Variants in SMYD3 observed in about 807,000 individuals in gnomAD.
The protein encoded by SMYD3 is histone-lysine N-methyltransferase SMYD3.
SMYD3 carries 36 observed loss-of-function variants against 57.7 expected under a neutral mutation model. The observed-to-expected ratio is 0.62, with a 90% CI of 0.48 to 0.82. SMYD3 has a LOEUF of 0.82. Ranked by LOEUF, SMYD3 falls within the 40% of genes least tolerant of loss-of-function variation. The pLI is 0.00. For synonymous variants in SMYD3, 211 were observed against 195.0 expected (o/e 1.08, Z -0.68); for missense variants, 515 against 538.8 (o/e 0.96, Z 0.44).
chr1:246,339,435 C>A (rs2065596319), intron 2 of SMYD3, among the ~76,000 whole-genome samples: 1 of 151,980 alleles, frequency 6.6e-6, no homozygotes, highest in Non-Finnish European at 1.5e-5. Context: ...ATTGCACTAC[C>A]TGTAAAATTT....
chr1:246,220,194 GGATATT>G (rs1328999749), intron 5 of SMYD3, among the ~76,000 whole-genome samples: 3 of 152,020 alleles, frequency 2.0e-5, no homozygotes, highest in African/African-American at 7.3e-5. Flanking sequence ...CTGTTGACTA[GGATATT>G]GATGGTAGTG....
intron 5 of SMYD3, among the ~76,000 whole-genome samples, chr1:246,127,870 T>C (rs2061531456): frequency 6.7e-6 from 1 of 149,484 alleles, no homozygotes; most frequent in African/African-American, 2.5e-5. Flanking sequence ...TGCTCTAGCC[T>C]GGGAGACAGA....
chr1:245,749,759 C>A (rs1309066165), intron 11 of SMYD3, 95 bp from the exon 12 acceptor site: 9 of 897,592 alleles, frequency 1.0e-5, no homozygotes, highest in Middle Eastern at 4.3e-4. Context: ...GCCTGGTGAA[C>A]CCCACAGGTT....
At chr1:246,462,514 G>A (rs1412738126) in intron 1 of SMYD3, among the ~76,000 whole-genome samples, 1 of 152,082 alleles carries the variant, frequency 6.6e-6, no homozygotes, top group Non-Finnish European at 1.5e-5. Flanking sequence ...GGGTCACACA[G>A]ACCCCACCAC....
At chr1:246,340,966 T>C (rs1289255883) in intron 2 of SMYD3, among the ~76,000 whole-genome samples, 1 of 151,886 alleles carries the variant, frequency 6.6e-6, no homozygotes, top group Non-Finnish European at 1.5e-5. Flanking sequence ...CCAGTCTGTG[T>C]GACAGAGTGA....
chr1:246,422,611 G>A (rs2067159848), intron 1 of SMYD3, among the ~76,000 whole-genome samples: 4 of 151,990 alleles, frequency 2.6e-5, no homozygotes, highest in African/African-American at 9.7e-5. Context: ...TAGTAGAGAC[G>A]GGGTTTCGCC....
Position 246,311,984 on chromosome 1 carries a change from A to G in SMYD3, c.531+15217T>C, listed in dbSNP as rs184866134. Among the ~76,000 whole-genome samples, 8 of 152,258 alleles carry G rather than the reference A, an allele frequency of 5.3e-5. No homozygotes were observed. In the East Asian group the frequency reaches 1.5e-3, roughly 29 times the overall value. ...GTAAGTGACAATGCAACGTGAAGGAATGGAGGCATAAAGGCAATGCAACAA... is the reference window on the plus strand; with the variant it reads ...GTAAGTGACAATGCAACGTGAAGGAGTGGAGGCATAAAGGCAATGCAACAA... On this transcript the variant is annotated intron_variant, in intron 5 of 11. Coordinates refer to ENST00000490107, the MANE Select transcript of SMYD3 (RefSeq NM_001167740.2).
chr1:246,164,291 C>T (rs1365701392), intron 5 of SMYD3, among the ~76,000 whole-genome samples: 3 of 152,080 alleles, frequency 2.0e-5, no homozygotes, highest in Non-Finnish European at 4.4e-5. Flanking sequence ...GGCGTGGTGG[C>T]GGGTGCCTGT....
intron 10 of SMYD3, among the ~76,000 whole-genome samples, chr1:245,851,303 A>C (rs1480789398): frequency 6.6e-6 from 1 of 152,208 alleles, no homozygotes; most frequent in Non-Finnish European, 1.5e-5. Context: ...ACCACAGTGC[A>C]TTTAAGTAGG....
intron 5 of SMYD3, among the ~76,000 whole-genome samples, chr1:246,151,225 A>AACAGAGTAAG (rs954505370): frequency 2.6e-5 from 4 of 150,972 alleles, no homozygotes; most frequent in Non-Finnish European, 4.4e-5. Flanking sequence ...CAGCCTGGGT[A>AACAGAGTAAG]ACAGAGTAAG....
intron 5 of SMYD3, among the ~76,000 whole-genome samples, chr1:246,234,479 T>A (rs994429283): frequency 7.7e-6 from 1 of 130,328 alleles, no homozygotes; most frequent in African/African-American, 3.1e-5. Context: ...CCATGATGAC[T>A]ATATACTGTA....
At chr1:246,254,852 G>A (rs189992403) in intron 5 of SMYD3, among the ~76,000 whole-genome samples, 1 of 152,110 alleles carries the variant, frequency 6.6e-6, no homozygotes, top group East Asian at 1.9e-4. Flanking sequence ...TACTTCCTTG[G>A]TTAGATGTAT....
At position 246,002,406 on chromosome 1, in the gene SMYD3, G is replaced by C. The variant is rs111619484; in HGVS notation, c.532-72469C>G. ...TCACCGTGTTAGCCAGGATGGTCTC[G>C]ATCTCCTGACCTCGTGATCCACCCG... On this transcript the variant is annotated intron_variant, in intron 5 of 11. Transcript: ENST00000490107. 9.2e-4 allele frequency among the ~76,000 whole-genome samples: 43 copies of C among 46,716 alleles called. 10 individuals are homozygous for C. The South Asian group carries it at 0.011, about 12-fold the overall frequency. The allele number at this position is 46,716 out of a possible 152,430, so 30.6% of individuals were successfully genotyped here. A position where few individuals can be genotyped will look rare whatever the true frequency, so the allele number is the denominator to read the frequency against.
intron 10 of SMYD3, among the ~76,000 whole-genome samples, chr1:245,786,599 G>A (rs951644864): frequency 2.0e-5 from 3 of 151,728 alleles, no homozygotes; most frequent in Admixed American, 2.0e-4. Flanking sequence ...TCCAATCAAT[G>A]CAAGAACCCT....
intron 5 of SMYD3, among the ~76,000 whole-genome samples, chr1:246,000,920 T>G (rs907704683): frequency 6.6e-6 from 1 of 152,228 alleles, no homozygotes; most frequent in Non-Finnish European, 1.5e-5. Context: ...ACATTCCACA[T>G]AGATCGAAAG....
At chr1:246,032,391 C>G (rs1183205021) in intron 5 of SMYD3, among the ~76,000 whole-genome samples, 2 of 152,168 alleles carry the variant, frequency 1.3e-5, no homozygotes, top group Non-Finnish European at 1.5e-5. Context: ...ATATTTGCCG[C>G]TAACACACCA....
rs572102064 is a variant in SMYD3, at chr1:246,380,559, GC to G, written c.165-25466del. Reference sequence around the variant, plus strand: ...TGAATGCCATATCCTTCCTATTGTTGCTGTTCTTTCATTACTGGTCCCATAA... The same window carrying G: ...TGAATGCCATATCCTTCCTATTGTTGTGTTCTTTCATTACTGGTCCCATAA... On this transcript the variant is annotated intron_variant, in intron 1 of 11. Transcript: ENST00000490107. 7.9e-5 allele frequency among the ~76,000 whole-genome samples: 12 copies of G among 152,214 alleles called. No homozygotes were observed. In the East Asian group the frequency reaches 2.3e-3, roughly 29 times the overall value.
chr1:245,955,250 C>A (rs1433650161), intron 5 of SMYD3, among the ~76,000 whole-genome samples: 1 of 50,292 alleles, frequency 2.0e-5, no homozygotes, highest in Non-Finnish European at 4.0e-5. Flanking sequence ...CGCCGCCATA[C>A]CTGGCTAATT....
intron 5 of SMYD3, among the ~76,000 whole-genome samples, chr1:245,986,013 TA>T (rs1440513811): frequency 6.6e-6 from 1 of 152,162 alleles, no homozygotes; most frequent in African/African-American, 2.4e-5. Flanking sequence ...AAAGTACTTT[TA>T]TACAACATAC....
Sources: gnomAD v4.1 joint callset for allele counts (sites outside exome capture counted in the v4.1 genomes callset) on GRCh38, gnomAD v4.1.1 for gene constraint, MANE v1.5 for transcripts, NCBI Gene and HGNC (gene_info 2026-07-23, HGNC 2026-07-21) for gene names.